The following HPGDS variants were observed in gnomAD, a reference collection of about 807,000 sequenced individuals.
The protein encoded by HPGDS is hematopoietic prostaglandin D synthase, also known as GST class-sigma.
Under a neutral mutation model 23.1 loss-of-function variants are expected in HPGDS, and 26 were observed. The ratio of observed to expected loss-of-function variants is 1.13; its 90% confidence interval spans 0.83 to 1.56. HPGDS has a LOEUF of 1.56. Among genes scored for constraint, HPGDS ranks in the 40% most tolerant of loss-of-function variants. HPGDS has a pLI of 0.00. For missense variants in HPGDS, 268 were observed against 236.4 expected, an observed-to-expected ratio of 1.13 and a Z score of -0.88; for synonymous variants, 95 against 77.9, an observed-to-expected ratio of 1.22 and a Z score of -1.16.
rs562814046 is a variant in HPGDS, at chr4:94,300,059, T to TC, written c.436-416dup. On this transcript the variant is annotated intron_variant, in intron 5 of 5. Coordinates refer to ENST00000295256, the MANE Select transcript of HPGDS (RefSeq NM_014485.3). The stretch of plus-strand genomic sequence containing the variant: ...GGTCTATGCATTTGATCTGCTTATG[T>TC]CCATTAACTCTTCAAAGCAGTACCC... Among the ~76,000 whole-genome samples the TC allele has an allele frequency of 3.9e-3, 593 of 152,346 alleles. 1 individual carries two copies. Among genetic ancestry groups the TC allele is most frequent in the Non-Finnish European group, 6.4e-3 (432 of 68,030 alleles).
intron 5 of HPGDS, 53 bp downstream of exon 5, chr4:94,302,093 A>C (rs1309328128): frequency 3.0e-6 from 4 of 1,332,338 alleles, no homozygotes; most frequent in African/African-American, 2.9e-5. Flanking sequence ...TTATACTTCT[A>C]TTGGTTTGTC....
At chr4:94,309,802 AC>A (rs1448309980) in intron 3 of HPGDS, among the ~76,000 whole-genome samples, 2 of 151,756 alleles carry the variant, frequency 1.3e-5, no homozygotes, top group African/African-American at 4.8e-5. Flanking sequence ...TTGTTTCCTG[AC>A]TTTTTAATGA....
At chr4:94,327,879 G>A (rs776198363) in intron 2 of HPGDS, among the ~76,000 whole-genome samples, 47 of 152,194 alleles carry the variant, frequency 3.1e-4, no homozygotes, top group Non-Finnish European at 5.0e-4. Flanking sequence ...GGAGATGCAC[G>A]GGCTTTTGGG....
intron 2 of HPGDS, among the ~76,000 whole-genome samples, chr4:94,323,138 T>C (rs1419641687): frequency 2.0e-5 from 3 of 152,202 alleles, no homozygotes; most frequent in Admixed American, 6.5e-5. Flanking sequence ...CAGTTTGTTG[T>C]GATTTCTGTT....
rs538675412 is a variant in HPGDS at position 94,304,558 on chromosome 4, G to C, written c.337-2314C>G. On this transcript the variant is annotated intron_variant, in intron 4 of 5. Coordinates refer to ENST00000295256, the MANE Select transcript of HPGDS (RefSeq NM_014485.3). ...TATTCTGCCTTTGAAATTTTCACCT[G>C]ACCACAAGATGGCAGCAATGTAGCC... Among the ~76,000 whole-genome samples, 34 of 152,098 alleles carry C rather than the reference G, an allele frequency of 2.2e-4. 1 individual carries two copies. Among genetic ancestry groups the C allele is most frequent in the African/African-American group, 8.2e-4 (34 of 41,512 alleles).
At chr4:94,331,034 A>G (rs1166282498) in intron 2 of HPGDS, among the ~76,000 whole-genome samples, 1 of 152,200 alleles carries the variant, frequency 6.6e-6, no homozygotes, top group Non-Finnish European at 1.5e-5. Flanking sequence ...AAACAACCAG[A>G]TTGGTTACAG....
chr4:94,341,148 C>G (rs901575071), intron 1 of HPGDS, among the ~76,000 whole-genome samples: 43 of 151,932 alleles, frequency 2.8e-4, no homozygotes, highest in African/African-American at 9.9e-4. Flanking sequence ...ACTTTTTTTT[C>G]TTTATAAATT....
At chr4:94,301,335 G>A (rs1756036765) in intron 5 of HPGDS, among the ~76,000 whole-genome samples, 1 of 152,164 alleles carries the variant, frequency 6.6e-6, no homozygotes. Flanking sequence ...GTATCTGGTT[G>A]TCTAACTTTT....
At chr4:94,302,427 C>A (rs927074359) in intron 4 of HPGDS, among the ~76,000 whole-genome samples, 183 bp from the exon 5 acceptor site, 3 of 152,048 alleles carry the variant, frequency 2.0e-5, no homozygotes, top group African/African-American at 7.2e-5. Context: ...AGATGTGAGT[C>A]ATCTCTTTAT....
chr4:94,312,992 A>G (rs1431068972), intron 3 of HPGDS, among the ~76,000 whole-genome samples: 1 of 151,904 alleles, frequency 6.6e-6, no homozygotes, highest in Non-Finnish European at 1.5e-5. Flanking sequence ...TTTGCTTGGT[A>G]GATCTTCCTC....
rs747471849 is a variant in HPGDS at position 94,334,615 on chromosome 4, T to A, written c.15A>T (p.Lys5Asn). Reference protein sequence around the residue: MPNYKLTYFNMRGRA... With the variant: MPNYNLTYFNMRGRA... ...TCCCCCTCATATTAAAATAAGTGAGTTTGTAGTTTGGCATGGTGCAATTCT... is the reference window on the plus strand; with the variant it reads ...TCCCCCTCATATTAAAATAAGTGAGATTGTAGTTTGGCATGGTGCAATTCT... Residue 5 changes from lysine to asparagine, a missense_variant, in exon 2 of 6, where the codon AAA (lysine) becomes AAT (asparagine). Physicochemically the swap from Lys to Asn is moderately conservative, Grantham distance 94. Coordinates refer to ENST00000295256, the MANE Select transcript of HPGDS (RefSeq NM_014485.3). 6.2e-7 allele frequency: 1 copy of A among 1,612,986 alleles called. No homozygotes were observed. Among genetic ancestry groups the A allele is most frequent in the Non-Finnish European group, 8.5e-7 (1 of 1,179,624 alleles).
chr4:94,336,076 C>A (rs935645187), intron 1 of HPGDS, among the ~76,000 whole-genome samples: 1 of 151,778 alleles, frequency 6.6e-6, no homozygotes, highest in Non-Finnish European at 1.5e-5. Context: ...TGTGGTGGTG[C>A]GCGCCTGTAA....
intron 5 of HPGDS, 50 bp downstream of exon 5, chr4:94,302,096 G>T (rs556025875): frequency 5.9e-6 from 8 of 1,350,362 alleles, no homozygotes; most frequent in South Asian, 3.6e-5. Context: ...TACTTCTATT[G>T]GTTTGTCCTT....
At chr4:94,330,681 T>C (rs1295583208) in intron 2 of HPGDS, among the ~76,000 whole-genome samples, 1 of 152,216 alleles carries the variant, frequency 6.6e-6, no homozygotes, top group Non-Finnish European at 1.5e-5. Flanking sequence ...GCCTCAAGTT[T>C]CCTTTCTTTC....
At chr4:94,323,945 A>G (rs1480368357) in intron 2 of HPGDS, among the ~76,000 whole-genome samples, 1 of 152,078 alleles carries the variant, frequency 6.6e-6, no homozygotes, top group Non-Finnish European at 1.5e-5. Flanking sequence ...AGCTCTTGTA[A>G]GCAGACCTGG....
chr4:94,334,518 C>G lies in HPGDS; in HGVS notation c.112G>C (p.Asp38His). The change falls in exon 2 of 6, where the codon GAC (aspartate) becomes CAC (histidine). Residue 38 changes from aspartate (D) to histidine (H), a missense_variant. Coordinates refer to ENST00000295256, the MANE Select transcript of HPGDS (RefSeq NM_014485.3). ...TTACTTGATTTGATTTCAGGCCAGT[C>G]AGCTTGTTCTATTCTGTGGTCTTCA... ...QYEDHRIEQADWPEIKSTLPF... is the reference protein window; with the variant it reads ...QYEDHRIEQAHWPEIKSTLPF... 6.3e-7 allele frequency: 1 copy of G among 1,593,704 alleles called. No homozygotes were observed. Among genetic ancestry groups the G allele is most frequent in the Non-Finnish European group, 8.5e-7 (1 of 1,172,072 alleles).
At chr4:94,336,121 G>A (rs890539252) in intron 1 of HPGDS, among the ~76,000 whole-genome samples, 9 of 151,352 alleles carry the variant, frequency 5.9e-5, no homozygotes, top group African/African-American at 9.7e-5. Flanking sequence ...CAGGAGAATC[G>A]CTTGAACCCC....
chr4:94,309,579 GCA>G (rs1171818843), intron 3 of HPGDS, among the ~76,000 whole-genome samples: 2 of 152,044 alleles, frequency 1.3e-5, no homozygotes, highest in African/African-American at 2.4e-5. Context: ...GAATAGTGCT[GCA>G]ATAAACATAC....
chr4:94,324,269 T>A (rs536950775), intron 2 of HPGDS, among the ~76,000 whole-genome samples: 1 of 152,278 alleles, frequency 6.6e-6, no homozygotes, highest in South Asian at 2.1e-4. Context: ...AATGTCTTTG[T>A]GGTGTTCTCT....
Sources: gnomAD v4.1 joint callset for allele counts (sites outside exome capture counted in the v4.1 genomes callset) on GRCh38, gnomAD v4.1.1 for gene constraint, MANE v1.5 for transcripts, NCBI Gene and HGNC (gene_info 2026-07-23, HGNC 2026-07-21) for gene names.